The following NRP2 variants were observed in gnomAD, a reference collection of about 807,000 sequenced individuals.
The protein encoded by NRP2 is neuropilin-2.
In NRP2, 52 loss-of-function variants were observed where a neutral mutation model predicts 110.4. The ratio of observed to expected loss-of-function variants is 0.47; its 90% CI spans 0.38 to 0.59. NRP2 has a LOEUF of 0.59. Among genes scored for constraint, NRP2 ranks in the 20% least tolerant of loss-of-function variants. NRP2 has a pLI of 0.00. For synonymous variants in NRP2, 508 were observed against 468.9 expected (o/e 1.08, Z -1.08); for missense variants, 1,049 against 1,203.0 (o/e 0.87, Z 1.89).
Position 205,798,012 on chromosome 2 carries a change from C to T in NRP2, c.*2954C>T, listed in dbSNP as rs1170706995. On this transcript the variant is annotated 3_prime_UTR_variant, in exon 17 of 17. Coordinates refer to ENST00000357785, the MANE Select transcript of NRP2 (RefSeq NM_003872.3). ...CACTGGCTGAGCCAGATCACGGGAA[C>T]TTGAGAGCTTTTACTGTGATTCTTC... 6.6e-6 allele frequency: 1 copy of T among 152,588 alleles called. No individual in the cohort carries two copies. The highest frequency in any genetic ancestry group is 1.5e-5 in the Non-Finnish European group (1 of 68,034). The allele number at this position is 152,588 out of a possible 1,614,324, so 9.5% of individuals were successfully genotyped here.
chr2:205,757,263 C>T (rs984433335), intron 12 of NRP2, among the ~76,000 whole-genome samples: 3 of 152,126 alleles, frequency 2.0e-5, no homozygotes, highest in Non-Finnish European at 2.9e-5. Flanking sequence ...GGGAGTAAGT[C>T]GAGAATCTTA....
At chr2:205,775,811 A>T (rs2058087630) in intron 15 of NRP2, among the ~76,000 whole-genome samples, 1 of 152,132 alleles carries the variant, frequency 6.6e-6, no homozygotes, top group Non-Finnish European at 1.5e-5. Flanking sequence ...ACTTGTATGT[A>T]TTTGTGTATG....
chr2:205,718,574 T>C (rs1258273635), intron 3 of NRP2, among the ~76,000 whole-genome samples: 4 of 152,152 alleles, frequency 2.6e-5, no homozygotes, highest in Admixed American at 6.5e-5. Flanking sequence ...TGAGAGCCCA[T>C]AGACTTCTCA....
chr2:205,787,664 T>G (rs2058249158), intron 15 of NRP2, among the ~76,000 whole-genome samples: 1 of 151,474 alleles, frequency 6.6e-6, no homozygotes, highest in Admixed American at 6.6e-5. Context: ...CCAAATAATC[T>G]TAACTTAGAA....
chr2:205,742,233 G>T (rs548775510), intron 8 of NRP2, among the ~76,000 whole-genome samples: 1 of 152,326 alleles, frequency 6.6e-6, no homozygotes, highest in South Asian at 2.1e-4. Context: ...ACCCTGCCTT[G>T]CCTGACATCA....
chr2:205,692,964 T>C (rs1050789201), intron 1 of NRP2, among the ~76,000 whole-genome samples: 1 of 152,214 alleles, frequency 6.6e-6, no homozygotes, highest in Non-Finnish European at 1.5e-5. Context: ...CACAGCTTGC[T>C]AGTGGTGAGA....
chr2:205,746,472 C>T (rs1159286628), intron 10 of NRP2, among the ~76,000 whole-genome samples: 2 of 152,220 alleles, frequency 1.3e-5, no homozygotes, highest in Non-Finnish European at 2.9e-5. Context: ...GTGAGGCCCA[C>T]GGAGGGTGCC....
In NRP2 at chr2:205,686,541, G is replaced by C. The variant is rs1197219091; in HGVS notation, c.73+3178G>C. ...CCTTCGACTCGGGCTGGCTGTGCCG[G>C]GGGTCTTTCCCACCGGGTCGCAGGC... On this transcript the variant is annotated intron_variant, in intron 1 of 16. Coordinates refer to ENST00000357785, the MANE Select transcript of NRP2 (RefSeq NM_003872.3). The surrounding 1 kb of genome is among the most constrained non-coding windows in gnomAD (Gnocchi z 4.7). 6.6e-6 allele frequency among the ~76,000 whole-genome samples: 1 copy of C among 152,244 alleles called. No individual in the cohort carries two copies. The highest frequency in any genetic ancestry group is 1.5e-5 in the Non-Finnish European group (1 of 68,048).
At chr2:205,696,870 G>T (rs1445433299) in intron 1 of NRP2, among the ~76,000 whole-genome samples, 4 of 152,140 alleles carry the variant, frequency 2.6e-5, no homozygotes, top group Non-Finnish European at 5.9e-5. Flanking sequence ...TTTCCATTCG[G>T]TGTATAATGA....
intron 16 of NRP2, among the ~76,000 whole-genome samples, chr2:205,794,211 C>T (rs953144329): frequency 5.9e-5 from 9 of 152,098 alleles, no homozygotes; most frequent in Non-Finnish European, 7.4e-5. Flanking sequence ...CCCAGGTTCA[C>T]GCCATTCTCC....
chr2:205,749,703 A>G (rs1187533024), intron 10 of NRP2, 22 bp from the exon 11 acceptor site: 2 of 1,596,036 alleles, frequency 1.3e-6, no homozygotes, highest in African/African-American at 1.3e-5. Context: ...GCATTCTCTT[A>G]TCTTCCTTTG....
intron 2 of NRP2, among the ~76,000 whole-genome samples, chr2:205,715,242 T>A (rs2056871347): frequency 6.6e-6 from 1 of 152,088 alleles, no homozygotes; most frequent in Admixed American, 6.5e-5. Context: ...GGAAAATGTG[T>A]GTCTGTCAAG....
chr2:205,795,987 C>A lies in NRP2; in HGVS notation c.*929C>A, dbSNP rs1048716219. 6.6e-6 allele frequency: 1 copy of A among 152,172 alleles called. No homozygotes were observed. The highest frequency in any genetic ancestry group is 6.5e-5 in the Admixed American group (1 of 15,274). The allele number at this position is 152,172 out of a possible 1,614,324, so 9.4% of individuals were successfully genotyped here. On this transcript the variant is annotated 3_prime_UTR_variant, in exon 17 of 17. Coordinates refer to ENST00000357785, the MANE Select transcript of NRP2 (RefSeq NM_003872.3). ...ATATACATACACACATACACATATT[C>A]TTCAGGTCTCTAAGCCCCTGGAAGC...
At chr2:205,772,265 T>C (rs1261887885) in intron 15 of NRP2, among the ~76,000 whole-genome samples, 1 of 152,260 alleles carries the variant, frequency 6.6e-6, no homozygotes, top group Non-Finnish European at 1.5e-5. Context: ...TGGCCGTTGT[T>C]ACAGACACGT....
At chr2:205,704,610 A>G (rs849552) in intron 2 of NRP2, among the ~76,000 whole-genome samples, 136,112 of 152,160 alleles carry the variant, frequency 0.89, 62,183 homozygotes, top group Non-Finnish European at 0.99. Context: ...CCCATGGATC[A>G]GGGGGAAAAA....
chr2:205,733,949 G>A (rs2057291829), intron 7 of NRP2, among the ~76,000 whole-genome samples: 1 of 152,050 alleles, frequency 6.6e-6, no homozygotes, highest in Admixed American at 6.5e-5. Context: ...GGCCCCGCAG[G>A]CCCACACAGA....
At chr2:205,687,643 C>T (rs1481661615) in intron 1 of NRP2, among the ~76,000 whole-genome samples, 1 of 152,186 alleles carries the variant, frequency 6.6e-6, no homozygotes, top group African/African-American at 2.4e-5. Flanking sequence ...AGCCCTCAGA[C>T]ATTAAGCTAC....
intron 12 of NRP2, among the ~76,000 whole-genome samples, chr2:205,754,199 G>C (rs34434551): frequency 0.055 from 8,333 of 152,178 alleles, 290 homozygotes; most frequent in African/African-American, 0.088. Flanking sequence ...TAGTAGATCA[G>C]TTTGCCAGGG....
rs908589988 is a variant in NRP2 at position 205,763,205 on chromosome 2, C to T, written c.2045-469C>T. 6.6e-6 allele frequency among the ~76,000 whole-genome samples: 1 copy of T among 152,180 alleles called. No individual in the cohort carries two copies. Among genetic ancestry groups the T allele is most frequent in the Non-Finnish European group, 1.5e-5 (1 of 68,032 alleles). On this transcript the variant is annotated intron_variant, in intron 12 of 16. Transcript: ENST00000357785. This position sits in a 1 kb window ranked among gnomAD's most constrained non-coding sequence, Gnocchi z 4.0. ...AGATGGCCAGGGCTGGAAGCATCAA[C>T]CACCTGGTCATAGTCACCCTCCAAT...
Sources: gnomAD v4.1 joint callset for allele counts (sites outside exome capture counted in the v4.1 genomes callset) on GRCh38, gnomAD v4.1.1 for gene constraint, Gnocchi (gnomAD v3.1) non-coding constraint, MANE v1.5 for transcripts, NCBI Gene and HGNC (gene_info 2026-07-23, HGNC 2026-07-21) for gene names.